Variants in SORBS2 observed in about 807,000 individuals in gnomAD.
The protein encoded by SORBS2 is sorbin and SH3 domain containing 2, also known as sorbin and SH3 domain-containing protein 2.
In SORBS2, 46 loss-of-function variants were observed where a neutral mutation model predicts 97.7. That is an observed-to-expected ratio of 0.47 (90% CI 0.37 to 0.60). The LOEUF (loss-of-function observed/expected upper bound fraction) is 0.60. Ranked by LOEUF, SORBS2 falls within the 20% of genes least tolerant of loss-of-function variation. SORBS2 has a pLI of 0.00. For synonymous variants in SORBS2, 476 were observed against 473.4 expected (o/e 1.01, Z -0.07); for missense variants, 1,316 against 1,282.3 (o/e 1.03, Z -0.40).
At chr4:185,859,423 C>A (rs2099222409) in intron 1 of SORBS2, among the ~76,000 whole-genome samples, 1 of 152,206 alleles carries the variant, frequency 6.6e-6, no homozygotes, top group African/African-American at 2.4e-5. Context: ...GCGTTTCCCA[C>A]ACTCTGTGCA....
rs755223346 is a variant in SORBS2, at chr4:185,623,943, C to G, written c.1186G>C (p.Ala396Pro). ...TCCTCCGTGGAGCACTGGCTCCAGGCGCGCAGCAGGTCCTTGTGCTGCTGC... is the reference window on the plus strand; with the variant it reads ...TCCTCCGTGGAGCACTGGCTCCAGGGGCGCAGCAGGTCCTTGTGCTGCTGC... Residue 396 changes from alanine to proline, a missense_variant, in exon 7 of 15, where the codon GCC (alanine) becomes CCC (proline). Physicochemically the swap from Ala to Pro is conservative, Grantham distance 27. Coordinates refer to ENST00000418609, the Ensembl canonical transcript of SORBS2. This position sits in a 1 kb window ranked among gnomAD's most constrained non-coding sequence, Gnocchi z 6.4. 3 of 1,614,224 alleles carry G rather than the reference C, an allele frequency of 1.9e-6. No homozygotes were observed. Among genetic ancestry groups the G allele is most frequent in the Non-Finnish European group, 2.5e-6 (3 of 1,180,030 alleles).
chr4:185,613,540 C>T (rs1243823959), intron 11 of SORBS2, among the ~76,000 whole-genome samples: 6 of 146,718 alleles, frequency 4.1e-5, no homozygotes, highest in Non-Finnish European at 8.9e-5. Context: ...CCCAGCTAAT[C>T]GGGAGGCTGA....
At chr4:185,611,003 G>A (rs1337168428) in intron 12 of SORBS2, among the ~76,000 whole-genome samples, 1 of 151,996 alleles carries the variant, frequency 6.6e-6, no homozygotes, top group African/African-American at 2.4e-5. Flanking sequence ...CAGACAAATA[G>A]CCTTTTTACA....
exon 5 of SORBS2, chr4:185,630,558 C>T: frequency 1.9e-6 from 3 of 1,587,732 alleles, no homozygotes; most frequent in Non-Finnish European, 2.6e-6. Flanking sequence ...CCTCATGGGT[C>T]TTTCCAGGCT....
At chr4:185,599,934 C>T (rs1391488432) in intron 12 of SORBS2, among the ~76,000 whole-genome samples, 1 of 152,176 alleles carries the variant, frequency 6.6e-6, no homozygotes, top group Non-Finnish European at 1.5e-5. Context: ...AAAGTGGGGG[C>T]ATGCTGACCC....
At chr4:185,744,440 T>C (rs1343978652) in intron 2 of SORBS2, among the ~76,000 whole-genome samples, 1 of 152,234 alleles carries the variant, frequency 6.6e-6, no homozygotes, top group Non-Finnish European at 1.5e-5. Flanking sequence ...AAATAGTCCA[T>C]TGACTATTTT....
chr4:185,720,630 T>G (rs371732109), intron 2 of SORBS2, among the ~76,000 whole-genome samples: 58 of 152,294 alleles, frequency 3.8e-4, no homozygotes, highest in African/African-American at 1.3e-3. Flanking sequence ...GGTACCCAGG[T>G]GCTCTGCCTT....
At chr4:185,750,948 A>G (rs571372351) in intron 2 of SORBS2, among the ~76,000 whole-genome samples, 1 of 152,188 alleles carries the variant, frequency 6.6e-6, no homozygotes, top group South Asian at 2.1e-4. Flanking sequence ...AGCAAATAGC[A>G]TTCAAATGTA....
chr4:185,904,861 T>A (rs912333244), intron 1 of SORBS2, among the ~76,000 whole-genome samples: 1 of 151,982 alleles, frequency 6.6e-6, no homozygotes, highest in African/African-American at 2.4e-5. Flanking sequence ...TCCCAGCACT[T>A]TGGGAGGCTG....
At chr4:185,815,663 GGAGA>G (rs151195751) in intron 1 of SORBS2, among the ~76,000 whole-genome samples, 2 of 151,142 alleles carry the variant, frequency 1.3e-5, no homozygotes, top group Non-Finnish European at 3.0e-5. Context: ...ACATATATAT[GGAGA>G]GAGAGAGAGA....
intron 4 of SORBS2, among the ~76,000 whole-genome samples, chr4:185,640,963 CTT>C (rs957104159): frequency 1.6e-4 from 24 of 152,266 alleles, no homozygotes; most frequent in African/African-American, 5.5e-4. Context: ...GAGATAGAAA[CTT>C]CTCTTAGAGG....
chr4:185,605,331 G>T (rs760111464), intron 12 of SORBS2, among the ~76,000 whole-genome samples: 5 of 152,250 alleles, frequency 3.3e-5, no homozygotes, highest in East Asian at 3.9e-4. Flanking sequence ...TGCCCAGAAC[G>T]GAGTGCAGTG....
At chr4:185,860,536 T>C (rs1398089555) in intron 1 of SORBS2, among the ~76,000 whole-genome samples, 1 of 152,154 alleles carries the variant, frequency 6.6e-6, no homozygotes, top group Non-Finnish European at 1.5e-5. Flanking sequence ...GGTCAAACTC[T>C]GTAAAATATT....
chr4:185,797,922 G>C (rs1210222413), intron 1 of SORBS2, among the ~76,000 whole-genome samples: 1 of 152,162 alleles, frequency 6.6e-6, no homozygotes, highest in East Asian at 1.9e-4. Flanking sequence ...AAGTTGCCTA[G>C]AAGGGTCAGT....
At chr4:185,888,899 T>C (rs1314077895) in intron 1 of SORBS2, among the ~76,000 whole-genome samples, 1 of 152,254 alleles carries the variant, frequency 6.6e-6, no homozygotes, top group Non-Finnish European at 1.5e-5. Context: ...ATATTTAGCA[T>C]TGTATTCAGG....
chr4:185,594,050 C>A, intron 12 of SORBS2, 115 bp from the exon 25 acceptor site: 2 of 700,092 alleles, frequency 2.9e-6, no homozygotes, highest in South Asian at 1.8e-5. Flanking sequence ...TTGTAAAAAA[C>A]CAAGAGGAAG....
chr4:185,604,718 A>G lies in SORBS2; in HGVS notation c.2796+7062T>C, dbSNP rs545627822. Among the ~76,000 whole-genome samples, 139 of 152,298 alleles carry G rather than the reference A, an allele frequency of 9.1e-4. 1 individual carries two copies. In the Middle Eastern group the frequency reaches 0.02, roughly 22 times the overall value. ...TTTTGAATTTGATTCAAAATCCCCA[A>G]TGGTATGATCAGTTTAATTTTTCGC... is the stretch of plus-strand genomic sequence containing the variant. On this transcript the variant is annotated intron_variant, in intron 12 of 14. Coordinates refer to ENST00000418609, the Ensembl canonical transcript of SORBS2.
At chr4:185,767,499 C>CAAAAAAA (rs70962594) in intron 2 of SORBS2, among the ~76,000 whole-genome samples, 31 of 60,618 alleles carry the variant, frequency 5.1e-4, no homozygotes, top group East Asian at 1.4e-3. Flanking sequence ...GACTCTGTCT[C>CAAAAAAA]AAAAAAAAAA....
At chr4:185,693,274 C>T (rs2098125415) in intron 2 of SORBS2, among the ~76,000 whole-genome samples, 2 of 152,250 alleles carry the variant, frequency 1.3e-5, no homozygotes, top group Non-Finnish European at 1.5e-5. Flanking sequence ...CAGAATTACA[C>T]AGAAAAAATG....
Sources: gnomAD v4.1 joint callset for allele counts (sites outside exome capture counted in the v4.1 genomes callset) on GRCh38, gnomAD v4.1.1 for gene constraint, Gnocchi (gnomAD v3.1) non-coding constraint, MANE v1.5 for transcripts, NCBI Gene and HGNC (gene_info 2026-07-23, HGNC 2026-07-21) for gene names.